Variants in IL1R2 observed in about 807,000 individuals in gnomAD.
IL1R2 encodes the protein interleukin-1 receptor type 2.
A neutral mutation model predicts 39.5 loss-of-function variants in IL1R2; 46 were observed. That is an observed-to-expected ratio of 1.16 (90% CI 0.92 to 1.49). The LOEUF (loss-of-function observed/expected upper bound fraction) is 1.49, where lower values mean the gene tolerates loss of function less well. IL1R2 is among the 40% of genes most tolerant of loss of function. The pLI is 0.00. For missense variants in IL1R2, 537 were observed against 502.0 expected (o/e 1.07, Z -0.67); for synonymous variants, 207 against 189.6 (o/e 1.09, Z -0.75).
In IL1R2 at chr2:102,005,798, T is replaced by C. The variant is rs977039232; in HGVS notation, c.-61-2717T>C. ...CAGGTAAGATTCGGGGGTTCTATTATTGGGAAAGCAGGGAGGACAGATATT... is the reference window on the plus strand; with the variant it reads ...CAGGTAAGATTCGGGGGTTCTATTACTGGGAAAGCAGGGAGGACAGATATT... On this transcript the variant is annotated intron_variant, in intron 1 of 8. Coordinates refer to ENST00000332549, the MANE Select transcript of IL1R2 (RefSeq NM_004633.4). Among the ~76,000 whole-genome samples the C allele has an allele frequency of 1.1e-4, 16 of 152,186 alleles. No individual in the cohort carries two copies. The East Asian group carries it at 1.2e-3, about 11-fold the overall frequency.
chr2:102,002,510 T>C (rs974538603), intron 1 of IL1R2, among the ~76,000 whole-genome samples: 8 of 142,132 alleles, frequency 5.6e-5, no homozygotes, highest in Non-Finnish European at 1.2e-4. Flanking sequence ...TGTCTGTGTC[T>C]GTGTCTATGT....
chr2:102,005,485 AG>A (rs1676204977), intron 1 of IL1R2, among the ~76,000 whole-genome samples: 2 of 152,208 alleles, frequency 1.3e-5, no homozygotes, highest in African/African-American at 4.8e-5. Context: ...CACATAAAAA[AG>A]GTAGTCCAGG....
intron 1 of IL1R2, among the ~76,000 whole-genome samples, chr2:101,996,466 A>G (rs984957014): frequency 7.0e-6 from 1 of 143,676 alleles, no homozygotes; most frequent in Non-Finnish European, 1.5e-5. Context: ...AGAGATAAAA[A>G]TCCCTGGGTG....
At chr2:101,999,979 C>T (rs148912884) in intron 1 of IL1R2, among the ~76,000 whole-genome samples, 3 of 152,220 alleles carry the variant, frequency 2.0e-5, no homozygotes, top group East Asian at 3.9e-4. Context: ...TAAAGTTGTA[C>T]ATATTTTTAG....
intron 6 of IL1R2, among the ~76,000 whole-genome samples, chr2:102,024,065 A>G (rs1299612379): frequency 2.0e-5 from 3 of 151,884 alleles, no homozygotes; most frequent in African/African-American, 7.3e-5. Context: ...AAAACAAAAC[A>G]AAACAAAAAA....
chr2:101,995,333 C>T (rs927944376), intron 1 of IL1R2, among the ~76,000 whole-genome samples: 3 of 152,076 alleles, frequency 2.0e-5, no homozygotes, highest in African/African-American at 7.2e-5. Flanking sequence ...AACAAACTGC[C>T]CTGGTGTAGA....
At chr2:101,998,602 G>A (rs375424767) in intron 1 of IL1R2, among the ~76,000 whole-genome samples, 14 of 152,362 alleles carry the variant, frequency 9.2e-5, no homozygotes, top group South Asian at 6.2e-4. Context: ...AGTTCAAACA[G>A]TGGTGCTCAG....
At chr2:102,008,665 G>A (rs2150433326) in intron 2 of IL1R2, 23 bp downstream of exon 2, 6 of 1,600,602 alleles carry the variant, frequency 3.7e-6, no homozygotes, top group East Asian at 2.2e-5. Flanking sequence ...CCTTTCAGAT[G>A]CAAAAAGGCT....
At position 102,026,108 on chromosome 2, in the gene IL1R2, CAG is replaced by C. The variant is rs1436128450; in HGVS notation, c.888-2_888-1del. On this transcript the variant is annotated splice_acceptor_variant, in intron 7 of 8. Transcript: ENST00000332549. LOFTEE classifies it high-confidence loss of function. Reference sequence around the variant, plus strand: ...TAATTAAGTGAATGTTTTTTTAACTCAGGGAATATTCAGAAAATAATGAGAAC... The same window carrying C: ...TAATTAAGTGAATGTTTTTTTAACTCGGAATATTCAGAAAATAATGAGAAC... The C allele has an allele frequency of 1.9e-6, 3 of 1,590,904 alleles. No individual in the cohort carries two copies. Among genetic ancestry groups the C allele is most frequent in the Non-Finnish European group, 2.6e-6 (3 of 1,166,894 alleles).
intron 1 of IL1R2, among the ~76,000 whole-genome samples, chr2:102,005,887 T>C (rs574463354): frequency 6.6e-6 from 1 of 152,222 alleles, no homozygotes; most frequent in African/African-American, 2.4e-5. Context: ...GGCTTTGGAA[T>C]CACCAGTGCT....
At chr2:102,017,404 A>C (rs962592267) in intron 4 of IL1R2, among the ~76,000 whole-genome samples, 15 of 151,984 alleles carry the variant, frequency 9.9e-5, no homozygotes, top group Non-Finnish European at 1.9e-4. Context: ...CTCAGAAAAA[A>C]AAAAAAAAAA....
chr2:102,024,780 A>C lies in IL1R2; in HGVS notation c.887+112A>C, dbSNP rs1677634625. Reference sequence around the variant, plus strand: ...ATTAAAAGTTACTTTTTTTGATTCCAAACTGTTGGATGTTTAGAATTTAAA... The same window carrying C: ...ATTAAAAGTTACTTTTTTTGATTCCCAACTGTTGGATGTTTAGAATTTAAA... On this transcript the variant is annotated intron_variant, in intron 7 of 8. Coordinates refer to ENST00000332549, the MANE Select transcript of IL1R2 (RefSeq NM_004633.4). 4.7e-6 allele frequency: 6 copies of C among 1,290,282 alleles called. No individual in the cohort carries two copies. The African/African-American group carries it at 7.5e-5, about 16-fold the overall frequency. 79.9% of individuals were successfully genotyped at this position (1,290,282 alleles called of 1,614,324 possible).
intron 4 of IL1R2, 131 bp from the exon 5 acceptor site, chr2:102,019,507 A>C: frequency 4.5e-6 from 3 of 669,372 alleles, no homozygotes; most frequent in Non-Finnish European, 7.6e-6. Context: ...CAAAGTACAA[A>C]ATTGGCAAAG....
At chr2:101,993,686 CACACA>C in intron 1 of IL1R2, among the ~76,000 whole-genome samples, 1 of 152,142 alleles carries the variant, frequency 6.6e-6, no homozygotes, top group Non-Finnish European at 1.5e-5. Context: ...TAAATCATGG[CACACA>C]GTTTGCTCTT....
intron 5 of IL1R2, 67 bp downstream of exon 5, chr2:102,019,879 C>A: frequency 7.3e-7 from 1 of 1,362,744 alleles, no homozygotes; most frequent in Non-Finnish European, 1.0e-6. Context: ...GAACAAATGA[C>A]GGTGCACGTA....
chr2:101,995,432 A>G (rs572224399), intron 1 of IL1R2, among the ~76,000 whole-genome samples: 2 of 152,326 alleles, frequency 1.3e-5, no homozygotes, highest in African/African-American at 4.8e-5. Flanking sequence ...TCCTGCAGTC[A>G]TAATAGCCCT....
chr2:101,997,042 G>A (rs1383622281), intron 1 of IL1R2, among the ~76,000 whole-genome samples: 1 of 152,148 alleles, frequency 6.6e-6, no homozygotes, highest in East Asian at 1.9e-4. Flanking sequence ...TTCTAGCCAG[G>A]AAGAAGCCTG....
intron 1 of IL1R2, among the ~76,000 whole-genome samples, chr2:101,993,094 G>A (rs1675427548): frequency 6.6e-6 from 1 of 152,042 alleles, no homozygotes; most frequent in South Asian, 2.1e-4. Context: ...CGTGGGATGT[G>A]CACTGAATGG....
intron 1 of IL1R2, among the ~76,000 whole-genome samples, chr2:101,992,980 G>T (rs1675422032): frequency 6.6e-6 from 1 of 152,156 alleles, no homozygotes; most frequent in South Asian, 2.1e-4. Flanking sequence ...GGATCAGGGG[G>T]TTTCTAAGGA....
Sources: allele counts gnomAD v4.1 joint callset (sites outside exome capture counted in the v4.1 genomes callset), GRCh38; gene constraint gnomAD v4.1.1; transcripts MANE v1.5; gene names NCBI Gene and HGNC (gene_info 2026-07-23, HGNC 2026-07-21).